The following HS6ST3 variants were observed in gnomAD, a reference collection of about 807,000 sequenced individuals.
HS6ST3 encodes heparan sulfate 6-O-sulfotransferase 3.
HS6ST3 carries 12 observed loss-of-function variants against 36.7 expected under a neutral mutation model. That is an observed-to-expected ratio of 0.33 (90% CI 0.21 to 0.53). The LOEUF is 0.53. HS6ST3 is among the 20% of genes least tolerant of loss of function. The probability of loss-of-function intolerance (pLI) is 0.95; values close to 1 mark genes in which losing one functional copy is unlikely to be tolerated. For synonymous variants in HS6ST3, 240 were observed against 257.5 expected (o/e 0.93, Z 0.65); for missense variants, 584 against 640.9 (o/e 0.91, Z 0.96).
intron 1 of HS6ST3, chr13:96,169,995 C>G (rs897150808): frequency 6.6e-6 from 1 of 152,024 alleles, no homozygotes; most frequent in Non-Finnish European, 1.5e-5. Flanking sequence ...GAATTATTGC[C>G]TGTTATATTG....
chr13:96,240,390 C>T (rs2139372232), intron 1 of HS6ST3, among the ~76,000 whole-genome samples: 1 of 152,140 alleles, frequency 6.6e-6, no homozygotes, highest in East Asian at 1.9e-4. Flanking sequence ...GAGAAATAAG[C>T]TTTAGTACTC....
chr13:96,596,226 C>T (rs1322348503), intron 1 of HS6ST3, among the ~76,000 whole-genome samples: 1 of 152,138 alleles, frequency 6.6e-6, no homozygotes, highest in Non-Finnish European at 1.5e-5. Context: ...AGTTACTTCA[C>T]CTAGGATAAT....
chr13:96,377,367 A>G (rs1029790276), intron 1 of HS6ST3, among the ~76,000 whole-genome samples: 3 of 152,054 alleles, frequency 2.0e-5, no homozygotes, highest in Non-Finnish European at 4.4e-5. Context: ...AACAACAACA[A>G]CAACAATAAT....
intron 1 of HS6ST3, among the ~76,000 whole-genome samples, chr13:96,387,802 A>C (rs1274842267): frequency 2.0e-5 from 3 of 152,184 alleles, no homozygotes; most frequent in Non-Finnish European, 4.4e-5. Context: ...GGATTCACCA[A>C]GGTCCAGAAG....
At chr13:96,554,006 G>A (rs578195719) in intron 1 of HS6ST3, among the ~76,000 whole-genome samples, 100 of 152,304 alleles carry the variant, frequency 6.6e-4, no homozygotes, top group Non-Finnish European at 1.2e-3. Context: ...GTGTGTGCGC[G>A]TGCATGTGCG....
At chr13:96,759,469 C>T (rs182010574) in intron 1 of HS6ST3, among the ~76,000 whole-genome samples, 7 of 151,716 alleles carry the variant, frequency 4.6e-5, no homozygotes, top group Admixed American at 1.3e-4. Context: ...ATTATGTTTA[C>T]ACTAGGGATT....
intron 1 of HS6ST3, among the ~76,000 whole-genome samples, chr13:96,140,303 T>A (rs1347834783): frequency 1.3e-5 from 2 of 152,230 alleles, no homozygotes; most frequent in Non-Finnish European, 2.9e-5. Flanking sequence ...CCACCTTCTA[T>A]GGCTATTGCA....
intron 1 of HS6ST3, among the ~76,000 whole-genome samples, chr13:96,686,886 C>T (rs535679183): frequency 6.6e-6 from 1 of 151,986 alleles, no homozygotes; most frequent in Non-Finnish European, 1.5e-5. Flanking sequence ...AGTTACTTTT[C>T]ATGCTATTCC....
intron 1 of HS6ST3, among the ~76,000 whole-genome samples, chr13:96,263,730 A>G (rs1282263449): frequency 1.3e-5 from 2 of 152,222 alleles, no homozygotes; most frequent in African/African-American, 2.4e-5. Flanking sequence ...AGATTCAGAC[A>G]TTTATTACCT....
intron 1 of HS6ST3, among the ~76,000 whole-genome samples, chr13:96,408,522 C>A (rs1594773817): frequency 6.6e-6 from 1 of 152,096 alleles, no homozygotes; most frequent in African/African-American, 2.4e-5. Flanking sequence ...AGTGTGTTTG[C>A]CAGGAATACA....
intron 1 of HS6ST3, among the ~76,000 whole-genome samples, chr13:96,121,869 T>G (rs1594684193): frequency 1.3e-5 from 2 of 152,170 alleles, no homozygotes; most frequent in South Asian, 4.1e-4. Context: ...ATTATTGCTT[T>G]ATATACTGTA....
chr13:96,668,369 T>C (rs1044595975), intron 1 of HS6ST3, among the ~76,000 whole-genome samples: 3 of 152,144 alleles, frequency 2.0e-5, no homozygotes, highest in African/African-American at 7.2e-5. Context: ...TTAGACAATA[T>C]TCACGAGGAC....
intron 1 of HS6ST3, among the ~76,000 whole-genome samples, chr13:96,442,496 G>C (rs2055676484): frequency 6.6e-6 from 1 of 152,054 alleles, no homozygotes; most frequent in African/African-American, 2.4e-5. Flanking sequence ...TCGATGTCCT[G>C]GTAAATTATC....
At chr13:96,772,158 C>T (rs1877281298) in intron 1 of HS6ST3, among the ~76,000 whole-genome samples, 1 of 152,174 alleles carries the variant, frequency 6.6e-6, no homozygotes, top group African/African-American at 2.4e-5. Flanking sequence ...CAAAGTGATA[C>T]ATGCATAAAG....
intron 1 of HS6ST3, among the ~76,000 whole-genome samples, chr13:96,619,705 G>A (rs185944394): frequency 1.3e-3 from 196 of 152,256 alleles, no homozygotes; most frequent in African/African-American, 4.5e-3. Flanking sequence ...AGATTTTATT[G>A]GTTTCAGCTA....
chr13:96,458,222 G>A (rs1289591768), intron 1 of HS6ST3, among the ~76,000 whole-genome samples: 1 of 151,982 alleles, frequency 6.6e-6, no homozygotes, highest in African/African-American at 2.4e-5. Context: ...TTGAAAACCT[G>A]GAGTCAAGAA....
intron 1 of HS6ST3, among the ~76,000 whole-genome samples, chr13:96,429,587 A>G (rs895391629): frequency 6.6e-6 from 1 of 152,218 alleles, no homozygotes; most frequent in East Asian, 1.9e-4. Flanking sequence ...AGACATGTCT[A>G]AAGAGTACAG....
chr13:96,402,499 A>G (rs149671982), intron 1 of HS6ST3, among the ~76,000 whole-genome samples: 158 of 152,328 alleles, frequency 1.0e-3, no homozygotes, highest in African/African-American at 3.5e-3. Context: ...AACTGTATAC[A>G]TCTATGTACT....
chr13:96,538,443 AATTT>A, intron 1 of HS6ST3, among the ~76,000 whole-genome samples: 1 of 152,226 alleles, frequency 6.6e-6, no homozygotes, highest in African/African-American at 2.4e-5. Context: ...AGCACATGAA[AATTT>A]ATTTATTTAT....
Sources: allele counts gnomAD v4.1 joint callset (sites outside exome capture counted in the v4.1 genomes callset), GRCh38; gene constraint gnomAD v4.1.1; transcripts MANE v1.5; gene names NCBI Gene and HGNC (gene_info 2026-07-23, HGNC 2026-07-21).